The following RSPH14 variants were observed in gnomAD, a reference collection of about 807,000 sequenced individuals.
RSPH14 encodes the protein radial spoke head 14 homolog, also known as rhabdoid tumor deletion region gene 1.
In RSPH14, 20 loss-of-function variants were observed where a neutral mutation model predicts 26.7. The observed-to-expected ratio is 0.75, with a 90% CI of 0.53 to 1.09. RSPH14 has a LOEUF of 1.09. Among genes scored for constraint, RSPH14 ranks in the 50% least tolerant of loss-of-function variants. RSPH14 has a pLI of 0.00. For synonymous variants in RSPH14, 177 were observed against 189.3 expected, an observed-to-expected ratio of 0.93 and a Z score of 0.53; for missense variants, 449 against 457.2, an observed-to-expected ratio of 0.98 and a Z score of 0.16.
intron 4 of RSPH14, chr22:23,124,500 G>A: frequency 2.6e-6 from 1 of 379,576 alleles, no homozygotes; most frequent in Non-Finnish European, 5.6e-6. Context: ...GGGGTTTTCT[G>A]CTTTGTTTTT....
intron 4 of RSPH14, among the ~76,000 whole-genome samples, chr22:23,074,300 G>A (rs1411940888): frequency 6.6e-6 from 1 of 152,222 alleles, no homozygotes; most frequent in Non-Finnish European, 1.5e-5. Context: ...CAGAGAGGCT[G>A]CTGACCCAGG....
At chr22:23,153,061 TA>T in the RSPH14 span, 4 of 1,614,156 alleles carry the variant, frequency 2.5e-6, no homozygotes, top group Admixed American at 6.7e-5. Context: ...TGATCGAGAC[TA>T]CAAGGCCACC....
At chr22:23,164,865 C>G in the RSPH14 span, among the ~76,000 whole-genome samples, 1 of 152,108 alleles carries the variant, frequency 6.6e-6, no homozygotes, top group Non-Finnish European at 1.5e-5. Flanking sequence ...AGGGTGCTCT[C>G]GCTCTGGCTT....
the RSPH14 span, among the ~76,000 whole-genome samples, chr22:23,151,509 G>A: frequency 6.6e-6 from 1 of 152,210 alleles, no homozygotes; most frequent in African/African-American, 2.4e-5. Flanking sequence ...CAGAGGAAGT[G>A]CCTGTCAGAT....
intron 4 of RSPH14, among the ~76,000 whole-genome samples, chr22:23,069,727 C>T (rs1444544996): frequency 1.3e-5 from 2 of 152,008 alleles, no homozygotes; most frequent in African/African-American, 4.8e-5. Context: ...GGGGCGGCGG[C>T]AGAGATGACT....
At chr22:23,158,966 A>C in the RSPH14 span, 2 of 1,614,198 alleles carry the variant, frequency 1.2e-6, no homozygotes, top group East Asian at 4.5e-5. Context: ...GTGGGAACCA[A>C]GAAGGACCTT....
rs1555939817 is a variant in RSPH14 at position 23,130,496 on chromosome 22, AAAAGAAAG to A, written c.421+3522_421+3529del. On this transcript the variant is annotated intron_variant, in intron 4 of 6. Coordinates refer to ENST00000216036, the MANE Select transcript of RSPH14 (RefSeq NM_014433.3). Reference sequence around the variant, plus strand: ...GAAAAGAGAAAGAAAGAAGGAAAGAAAAAGAAAGAAAGAAAGAAAGAAAGAAAGAAAGA... The same window carrying A: ...GAAAAGAGAAAGAAAGAAGGAAAGAAAAAGAAAGAAAGAAAGAAAGAAAGA... Among the ~76,000 whole-genome samples the A allele has an allele frequency of 2.6e-3, 287 of 110,754 alleles. 3 individuals are homozygous for A. Among genetic ancestry groups the A allele is most frequent in the Non-Finnish European group, 3.2e-3 (172 of 54,458 alleles). The allele number at this position is 110,754 out of a possible 152,430, so 72.7% of individuals were successfully genotyped here.
upstream of RSPH14, chr22:23,146,014 C>G: frequency 2.0e-6 from 2 of 985,046 alleles, no homozygotes; most frequent in Non-Finnish European, 2.4e-6. Flanking sequence ...CTGTGCCATG[C>G]CTCACAGCCC....
intron 4 of RSPH14, among the ~76,000 whole-genome samples, 154 bp from the exon 5 acceptor site, chr22:23,064,287 T>G (rs2068157102): frequency 6.6e-6 from 1 of 152,178 alleles, no homozygotes; most frequent in Non-Finnish European, 1.5e-5. Flanking sequence ...ACGTCCCGCC[T>G]GGCCAGGGGC....
chr22:23,169,869 G>A, the RSPH14 span, among the ~76,000 whole-genome samples: 1 of 152,130 alleles, frequency 6.6e-6, no homozygotes, highest in South Asian at 2.1e-4. Context: ...TTGGGAGGTG[G>A]AGGTGGGCGG....
At chr22:23,064,956 CTGAGA>C (rs1267313379) in intron 4 of RSPH14, among the ~76,000 whole-genome samples, 3 of 152,286 alleles carry the variant, frequency 2.0e-5, no homozygotes, top group South Asian at 2.1e-4. Flanking sequence ...TCCTGAGTCA[CTGAGA>C]TGAGAAGCAC....
chr22:23,093,664 G>A (rs1485871790), intron 4 of RSPH14, among the ~76,000 whole-genome samples: 1 of 152,210 alleles, frequency 6.6e-6, no homozygotes, highest in Non-Finnish European at 1.5e-5. Context: ...GGCCAGTGAG[G>A]GACAGGCTCT....
intron 4 of RSPH14, among the ~76,000 whole-genome samples, chr22:23,125,808 T>C (rs1488290381): frequency 1.3e-5 from 2 of 152,160 alleles, no homozygotes; most frequent in African/African-American, 4.8e-5. Context: ...TTGCCTGGCT[T>C]GGCACCTGCA....
chr22:23,074,556 T>C (rs1455989241), intron 4 of RSPH14, among the ~76,000 whole-genome samples: 2 of 152,134 alleles, frequency 1.3e-5, no homozygotes, highest in African/African-American at 4.8e-5. Context: ...GGTGGCAACC[T>C]GGAGCCCCTG....
At position 23,059,536 on chromosome 22, in the gene RSPH14, C is replaced by T. The variant is rs771042436; in HGVS notation, c.973G>A (p.Glu325Lys). The change falls in exon 7 of 7, where the codon GAA (glutamate) becomes AAA (lysine). Residue 325 changes from glutamate (E) to lysine (K), a missense_variant. By Grantham distance (56) the Glu-to-Lys change is moderately conservative. Transcript: ENST00000216036. ...AAGGCTTCGGCCACTTGAGGCTTTTCGTAAGTCTCCACCTCCATGGCACGG... is the reference window on the plus strand; with the variant it reads ...AAGGCTTCGGCCACTTGAGGCTTTTTGTAAGTCTCCACCTCCATGGCACGG... ...TFRAMEVETY[E>K]KPQVAEALQR... The T allele has an allele frequency of 8.1e-6, 13 of 1,614,076 alleles. No homozygotes were observed. Among genetic ancestry groups the T allele is most frequent in the African/African-American group, 2.7e-5 (2 of 74,938 alleles).
At chr22:23,095,091 AGC>A (rs2069086321) in intron 4 of RSPH14, among the ~76,000 whole-genome samples, 4 of 152,216 alleles carry the variant, frequency 2.6e-5, no homozygotes, top group Admixed American at 2.6e-4. Context: ...TGGGCCCTAC[AGC>A]GCCCCATGGA....
At chr22:23,094,197 A>ACATAGGT in intron 4 of RSPH14, among the ~76,000 whole-genome samples, 1 of 152,222 alleles carries the variant, frequency 6.6e-6, no homozygotes, top group Non-Finnish European at 1.5e-5. Context: ...GGGTCTCCGG[A>ACATAGGT]CAGGGACATA....
chr22:23,129,817 G>A (rs1348177117), intron 4 of RSPH14, among the ~76,000 whole-genome samples: 1 of 151,840 alleles, frequency 6.6e-6, no homozygotes, highest in Non-Finnish European at 1.5e-5. Context: ...CTACTCGGGA[G>A]GCTGAGTCAG....
At chr22:23,083,163 G>A (rs770535671) in intron 4 of RSPH14, among the ~76,000 whole-genome samples, 5 of 152,234 alleles carry the variant, frequency 3.3e-5, no homozygotes, top group East Asian at 3.9e-4. Flanking sequence ...CCTGCAGCTC[G>A]GAGAGGGGCA....
Sources: gnomAD v4.1 joint callset for allele counts (sites outside exome capture counted in the v4.1 genomes callset) on GRCh38, gnomAD v4.1.1 for gene constraint, MANE v1.5 for transcripts, NCBI Gene and HGNC (gene_info 2026-07-23, HGNC 2026-07-21) for gene names.